The following STK33 variants were observed in gnomAD, a reference collection of about 807,000 sequenced individuals.
STK33 encodes serine/threonine-protein kinase 33.
A neutral mutation model predicts 58.0 loss-of-function variants in STK33; 52 were observed. The ratio of observed to expected loss-of-function variants is 0.90; its 90% CI spans 0.72 to 1.13. The LOEUF (loss-of-function observed/expected upper bound fraction) is 1.13, where lower values mean the gene tolerates loss of function less well. STK33 is among the 50% of genes most tolerant of loss of function. The pLI is 0.00. For synonymous variants in STK33, 215 were observed against 200.1 expected (o/e 1.07, Z -0.63); for missense variants, 630 against 604.2 (o/e 1.04, Z -0.45).
intron 15 of STK33, among the ~76,000 whole-genome samples, chr11:8,403,721 C>G (rs1007457516): frequency 6.6e-6 from 1 of 152,158 alleles, no homozygotes; most frequent in Non-Finnish European, 1.5e-5. Flanking sequence ...ATTTCTCTAG[C>G]TTATATTATT....
intron 2 of STK33, among the ~76,000 whole-genome samples, chr11:8,479,067 A>T (rs2138106267): frequency 6.6e-6 from 1 of 152,344 alleles, no homozygotes; most frequent in Middle Eastern, 3.4e-3. Context: ...CTCACTGATT[A>T]AGCAGTAATA....
intron 1 of STK33, among the ~76,000 whole-genome samples, chr11:8,553,203 A>ATATATATATATATATATATATATAGTG: frequency 1.4e-5 from 1 of 72,928 alleles, no homozygotes; most frequent in Non-Finnish European, 2.5e-5. Context: ...TATATGGTGT[A>ATATATATATATATATATATATATAGTG]TATATATATA....
At chr11:8,523,741 G>T (rs879431748) in intron 1 of STK33, among the ~76,000 whole-genome samples, 1 of 151,790 alleles carries the variant, frequency 6.6e-6, no homozygotes, top group Non-Finnish European at 1.5e-5. Flanking sequence ...TCTGGGAGGT[G>T]GGGGGCGCCT....
At chr11:8,499,397 C>A (rs189162079) in intron 1 of STK33, among the ~76,000 whole-genome samples, 1 of 151,982 alleles carries the variant, frequency 6.6e-6, no homozygotes, top group Non-Finnish European at 1.5e-5. Flanking sequence ...GTTAGAATAG[C>A]GATCATTAAA....
At chr11:8,368,028 C>T in the STK33 span, among the ~76,000 whole-genome samples, 26 of 152,140 alleles carry the variant, frequency 1.7e-4, no homozygotes, top group Non-Finnish European at 3.5e-4. Flanking sequence ...TGTGATGAAG[C>T]GGGACTGAGG....
chr11:8,538,093 AG>A (rs1345243548), intron 1 of STK33, among the ~76,000 whole-genome samples: 1 of 151,980 alleles, frequency 6.6e-6, no homozygotes, highest in Non-Finnish European at 1.5e-5. Context: ...AGGCTGAGCT[AG>A]GAGGATGGTT....
intron 1 of STK33, among the ~76,000 whole-genome samples, chr11:8,576,996 T>C (rs911994679): frequency 1.3e-5 from 2 of 152,310 alleles, no homozygotes; most frequent in Non-Finnish European, 2.9e-5. Flanking sequence ...GTGATCCTCC[T>C]GTCTTAGCCT....
chr11:8,543,113 T>A (rs1361965170), intron 1 of STK33, among the ~76,000 whole-genome samples: 1 of 152,172 alleles, frequency 6.6e-6, no homozygotes, highest in African/African-American at 2.4e-5. Context: ...ATTCATTAGA[T>A]TCCCCTAGGG....
intron 1 of STK33, among the ~76,000 whole-genome samples, chr11:8,490,256 G>T (rs570685231): frequency 6.6e-6 from 1 of 152,346 alleles, no homozygotes; most frequent in South Asian, 2.1e-4. Flanking sequence ...CGGCACACCA[G>T]GAGATTATAT....
chr11:8,421,781 T>C (rs907316193), intron 14 of STK33, among the ~76,000 whole-genome samples: 1 of 152,218 alleles, frequency 6.6e-6, no homozygotes, highest in Non-Finnish European at 1.5e-5. Context: ...GGAGGTCTTA[T>C]AAATCTTATG....
chr11:8,511,265 C>CA (rs1952298678), intron 1 of STK33, among the ~76,000 whole-genome samples: 1 of 152,028 alleles, frequency 6.6e-6, no homozygotes, highest in Non-Finnish European at 1.5e-5. Flanking sequence ...TTAAAAGGGA[C>CA]TGAGTTCTTG....
intron 1 of STK33, among the ~76,000 whole-genome samples, chr11:8,537,586 C>T (rs1282187089): frequency 6.6e-6 from 1 of 151,990 alleles, no homozygotes; most frequent in Non-Finnish European, 1.5e-5. Context: ...CTGTAGTACA[C>T]ATTATTGTTT....
intron 1 of STK33, among the ~76,000 whole-genome samples, chr11:8,576,470 A>G (rs1277786362): frequency 6.6e-6 from 1 of 152,242 alleles, no homozygotes; most frequent in Non-Finnish European, 1.5e-5. Flanking sequence ...GATTGTAGAT[A>G]AAATTTTTAT....
chr11:8,363,465 T>G, the STK33 span, among the ~76,000 whole-genome samples: 4 of 151,762 alleles, frequency 2.6e-5, no homozygotes, highest in Non-Finnish European at 5.9e-5. Flanking sequence ...TACCCCCACC[T>G]CCCCCAGGTA....
intron 8 of STK33, 41 bp downstream of exon 8, chr11:8,461,764 T>C (rs748343384): frequency 7.0e-7 from 1 of 1,436,636 alleles, no homozygotes; most frequent in Non-Finnish European, 9.4e-7. Flanking sequence ...CATTTTGTAA[T>C]AATAACAACT....
Position 8,575,775 on chromosome 11 carries a change from G to A in STK33, c.-466+18308C>T, listed in dbSNP as rs563516877. 8.5e-5 allele frequency among the ~76,000 whole-genome samples: 13 copies of A among 152,178 alleles called. No homozygotes were observed. In the East Asian group the frequency reaches 2.1e-3, roughly 25 times the overall value. ...AATAAAAAAGAGGATAACAGATCAC[G>A]ACCAAGTAGGGTTCATCCTAAAAAT... On this transcript the variant is annotated intron_variant, in intron 1 of 15. Transcript: ENST00000687296.
chr11:8,441,650 C>T (rs982090443), intron 11 of STK33, among the ~76,000 whole-genome samples: 13 of 152,264 alleles, frequency 8.5e-5, no homozygotes, highest in African/African-American at 2.6e-4. Context: ...AGACACCACA[C>T]TCAGCTGGCT....
chr11:8,540,239 G>C (rs1193950108), intron 1 of STK33, among the ~76,000 whole-genome samples: 1 of 151,880 alleles, frequency 6.6e-6, no homozygotes, highest in African/African-American at 2.4e-5. Context: ...TCAGTGGTTT[G>C]AGAAGCCAAG....
chr11:8,484,320 A>G (rs2138350819), intron 1 of STK33, among the ~76,000 whole-genome samples: 1 of 152,348 alleles, frequency 6.6e-6, no homozygotes, highest in East Asian at 1.9e-4. Context: ...CTGTTGTGCA[A>G]CTGTCAAAAC....
Sources: allele counts gnomAD v4.1 joint callset (sites outside exome capture counted in the v4.1 genomes callset), GRCh38; gene constraint gnomAD v4.1.1; transcripts MANE v1.5; gene names NCBI Gene and HGNC (gene_info 2026-07-23, HGNC 2026-07-21).